DEPDC1B: variants seen among roughly 807,000 people sequenced by gnomAD.
DEPDC1B encodes DEP domain containing 1B.
Under a neutral mutation model 66.5 loss-of-function variants are expected in DEPDC1B, and 51 were observed. That is an observed-to-expected ratio of 0.77 (90% CI 0.61 to 0.97). The LOEUF is 0.97. DEPDC1B is among the 50% of genes least tolerant of loss of function. DEPDC1B has a pLI of 0.00. For synonymous variants in DEPDC1B, 226 were observed against 223.6 expected (o/e 1.01, Z -0.10); for missense variants, 552 against 637.1 (o/e 0.87, Z 1.44).
intron 9 of DEPDC1B, among the ~76,000 whole-genome samples, chr5:60,601,878 A>C (rs1752204940): frequency 6.6e-6 from 1 of 152,200 alleles, no homozygotes; most frequent in African/African-American, 2.4e-5. Context: ...TCTATGAGGT[A>C]AATATTAACT....
chr5:60,667,594 A>G (rs1380971014), intron 2 of DEPDC1B, among the ~76,000 whole-genome samples: 7 of 139,466 alleles, frequency 5.0e-5, no homozygotes, highest in South Asian at 4.5e-4. Context: ...ATATATAAAA[A>G]TGGATATTTT....
At chr5:60,658,864 T>C (rs1342796374) in intron 2 of DEPDC1B, among the ~76,000 whole-genome samples, 1 of 152,192 alleles carries the variant, frequency 6.6e-6, no homozygotes, top group Non-Finnish European at 1.5e-5. Flanking sequence ...GCTGAGCTTT[T>C]GCTCACCATC....
At chr5:60,657,281 C>T (rs1369097933) in intron 2 of DEPDC1B, among the ~76,000 whole-genome samples, 3 of 152,092 alleles carry the variant, frequency 2.0e-5, no homozygotes, top group Non-Finnish European at 4.4e-5. Context: ...AGCATTTAGG[C>T]CATTTACATT....
In DEPDC1B at chr5:60,599,182, C is replaced by G. The variant is rs1752153811; in HGVS notation, c.1321G>C (p.Glu441Gln). 3 of 1,613,462 alleles carry G rather than the reference C, an allele frequency of 1.9e-6. No individual in the cohort carries two copies. Among genetic ancestry groups the G allele is most frequent in the African/African-American group, 2.7e-5 (2 of 74,946 alleles). Residue 441 changes from glutamate (E) to glutamine (Q), a missense_variant, in exon 10 of 11, where the codon GAA becomes CAA. By Grantham distance (29) the Glu-to-Gln change is conservative. Coordinates refer to ENST00000265036, the MANE Select transcript of DEPDC1B (RefSeq NM_018369.3). ...TGAGAGCCATATGATCTTTGATATT[C>G]AAATTCCTCTGGACTAATTTGACGG... The part of the protein sequence containing the change: ...FCRQISPEEF[E>Q]YQRSYGSQEP...
At position 60,639,182 on chromosome 5, in the gene DEPDC1B, G is replaced by GA. The variant is rs1281587207; in HGVS notation, c.758-293dup. On this transcript the variant is annotated intron_variant, in intron 6 of 10. Coordinates refer to ENST00000265036, the MANE Select transcript of DEPDC1B (RefSeq NM_018369.3). ...CATTTTAAAAGAAACCTTTCTTTAAGAAAAAAACATTCTTCTGAAAGGCAT... is the reference window on the plus strand; with the variant it reads ...CATTTTAAAAGAAACCTTTCTTTAAGAAAAAAAACATTCTTCTGAAAGGCAT... Among the ~76,000 whole-genome samples the GA allele has an allele frequency of 2.0e-5, 3 of 151,922 alleles. No homozygotes were observed. The East Asian group carries it at 5.8e-4, about 29-fold the overall frequency.
intron 2 of DEPDC1B, among the ~76,000 whole-genome samples, chr5:60,649,341 A>C (rs982526123): frequency 6.6e-6 from 1 of 152,204 alleles, no homozygotes; most frequent in Non-Finnish European, 1.5e-5. Flanking sequence ...TTACATGCAA[A>C]ACTGTGACTG....
At chr5:60,678,527 A>G (rs866408283) in intron 2 of DEPDC1B, among the ~76,000 whole-genome samples, 1 of 152,240 alleles carries the variant, frequency 6.6e-6, no homozygotes, top group South Asian at 2.1e-4. Flanking sequence ...ACAGCAATGT[A>G]TAAGATTTCC....
chr5:60,625,195 G>A (rs534753467), intron 7 of DEPDC1B, among the ~76,000 whole-genome samples: 32 of 152,148 alleles, frequency 2.1e-4, no homozygotes, highest in South Asian at 6.2e-4. Flanking sequence ...GAACAGTGCC[G>A]CAATAAACAT....
At chr5:60,699,798 T>A (rs1339865458) in intron 1 of DEPDC1B, among the ~76,000 whole-genome samples, 1 of 152,194 alleles carries the variant, frequency 6.6e-6, no homozygotes, top group East Asian at 1.9e-4. Flanking sequence ...CGCCATCTAC[T>A]GCCGAGAACC....
chr5:60,645,511 T>C lies in DEPDC1B; in HGVS notation c.559A>G (p.Lys187Glu). The C allele has an allele frequency of 2.5e-6, 4 of 1,611,576 alleles. No homozygotes were observed. The highest frequency in any genetic ancestry group is 3.4e-6 in the Non-Finnish European group (4 of 1,178,936). Reference sequence around the variant, plus strand: ...ACATACTATGATAATGTCATAGACTTCCATATCTCTTCTACATTGGCCTCT... The same window carrying C: ...ACATACTATGATAATGTCATAGACTCCCATATCTCTTCTACATTGGCCTCT... ...LTEANVEEIW[K>E]SMTLSYLQKI... The change falls in exon 4 of 11, where the codon AAG (lysine) becomes GAG (glutamate). Residue 187 changes from lysine (K) to glutamate (E), a missense_variant. Transcript: ENST00000265036.
chr5:60,608,681 A>T (rs2111729082), intron 7 of DEPDC1B, among the ~76,000 whole-genome samples: 1 of 152,006 alleles, frequency 6.6e-6, no homozygotes, highest in Admixed American at 6.5e-5. Context: ...AAATTTAAAA[A>T]TTTCTTTGTG....
intron 5 of DEPDC1B, among the ~76,000 whole-genome samples, chr5:60,643,866 C>G (rs1753246681): frequency 6.6e-6 from 1 of 152,180 alleles, no homozygotes; most frequent in South Asian, 2.1e-4. Flanking sequence ...GGTCTGAAGA[C>G]AGGTTCTGCT....
chr5:60,644,976 C>A, intron 4 of DEPDC1B, 101 bp from the exon 5 acceptor site: 2 of 876,350 alleles, frequency 2.3e-6, no homozygotes, highest in East Asian at 2.9e-5. Context: ...GCTTTATTTT[C>A]ATGCATTGCA....
At chr5:60,639,421 ATATT>A (rs1753135621) in intron 6 of DEPDC1B, among the ~76,000 whole-genome samples, 1 of 152,192 alleles carries the variant, frequency 6.6e-6, no homozygotes, top group Non-Finnish European at 1.5e-5. Flanking sequence ...AGACTAATAA[ATATT>A]TAAACTTAAA....
chr5:60,676,478 C>T (rs1561388573), intron 2 of DEPDC1B, among the ~76,000 whole-genome samples: 1 of 152,112 alleles, frequency 6.6e-6, no homozygotes, highest in Non-Finnish European at 1.5e-5. Flanking sequence ...GCTTTAATAA[C>T]TTCTCCTTTT....
chr5:60,652,849 G>A (rs1437619333), intron 2 of DEPDC1B, among the ~76,000 whole-genome samples: 1 of 149,092 alleles, frequency 6.7e-6, no homozygotes, highest in Non-Finnish European at 1.5e-5. Flanking sequence ...GTGAGGACAC[G>A]CAATGTTTGG....
intron 2 of DEPDC1B, among the ~76,000 whole-genome samples, chr5:60,648,719 AAG>A (rs1229556539): frequency 2.4e-4 from 37 of 152,240 alleles, no homozygotes; most frequent in African/African-American, 6.8e-4. Flanking sequence ...CAGTTAAAAA[AAG>A]AGAGTTCTGG....
intron 7 of DEPDC1B, among the ~76,000 whole-genome samples, chr5:60,615,773 C>G (rs909064964): frequency 2.5e-4 from 38 of 152,228 alleles, no homozygotes; most frequent in African/African-American, 8.7e-4. Context: ...ATGTCACTGT[C>G]TGACAGCCTT....
intron 1 of DEPDC1B, among the ~76,000 whole-genome samples, chr5:60,689,794 C>G (rs532690934): frequency 6.6e-6 from 1 of 152,090 alleles, no homozygotes; most frequent in African/African-American, 2.4e-5. Flanking sequence ...CTAATCCCAG[C>G]ACTTTGAGAG....
Sources: allele counts gnomAD v4.1 joint callset (sites outside exome capture counted in the v4.1 genomes callset), GRCh38; gene constraint gnomAD v4.1.1; transcripts MANE v1.5; gene names NCBI Gene and HGNC (gene_info 2026-07-23, HGNC 2026-07-21).